The following NRXN3 variants were observed in gnomAD, a reference collection of about 807,000 sequenced individuals.
NRXN3 encodes neurexin 3, also known as neurexin III.
NRXN3 carries 32 observed loss-of-function variants against 137.6 expected under a neutral mutation model. The observed-to-expected ratio is 0.23, with a 90% CI of 0.18 to 0.31. NRXN3 has a LOEUF of 0.31. Ranked by LOEUF, NRXN3 falls within the 10% of genes least tolerant of loss-of-function variation. The pLI, the probability that NRXN3 is intolerant of heterozygous loss-of-function variation, is 1.00. For missense variants in NRXN3, 1,574 were observed against 2,062.5 expected, an observed-to-expected ratio of 0.76 and a Z score of 4.59; for synonymous variants, 798 against 784.5, an observed-to-expected ratio of 1.02 and a Z score of -0.29.
At chr14:78,373,256 G>C (rs1220451799) in intron 4 of NRXN3, among the ~76,000 whole-genome samples, 1 of 66,704 alleles carries the variant, frequency 1.5e-5, no homozygotes, top group Non-Finnish European at 3.0e-5. Flanking sequence ...GGTAGGTTGG[G>C]AACAAGAAAG....
intron 1 of NRXN3, among the ~76,000 whole-genome samples, chr14:78,216,809 C>T (rs1464557329): frequency 2.0e-5 from 3 of 152,130 alleles, no homozygotes; most frequent in Non-Finnish European, 2.9e-5. Context: ...ATTCCTTCCT[C>T]GCCTCTTCTC....
At chr14:79,155,153 A>G (rs996793973) in intron 15 of NRXN3, among the ~76,000 whole-genome samples, 1 of 151,814 alleles carries the variant, frequency 6.6e-6, no homozygotes, top group Non-Finnish European at 1.5e-5. Context: ...TTCCTTCATC[A>G]ATGGTGGAGC....
intron 15 of NRXN3, among the ~76,000 whole-genome samples, chr14:78,996,579 C>G (rs2099530593): frequency 6.6e-6 from 1 of 152,096 alleles, no homozygotes. Context: ...GGGGGGGATG[C>G]TATTTTATTT....
intron 15 of NRXN3, among the ~76,000 whole-genome samples, chr14:79,172,777 A>G (rs931626897): frequency 6.6e-6 from 1 of 152,210 alleles, no homozygotes; most frequent in Non-Finnish European, 1.5e-5. Flanking sequence ...CAAGGAAAAT[A>G]TAAGTAAGAA....
intron 19 of NRXN3, among the ~76,000 whole-genome samples, chr14:79,719,251 ATGTGTGTGTGTG>A (rs4016617): frequency 6.0e-5 from 9 of 149,044 alleles, no homozygotes; most frequent in Admixed American, 2.0e-4. Flanking sequence ...ATAGACATAT[ATGTGTGTGTGTG>A]TGTGTGTGTG....
intron 15 of NRXN3, among the ~76,000 whole-genome samples, chr14:79,003,252 T>C (rs1349815656): frequency 6.6e-6 from 1 of 152,204 alleles, no homozygotes; most frequent in African/African-American, 2.4e-5. Context: ...AGAAAATTAC[T>C]GGTCTGTGAA....
At chr14:79,528,042 T>A (rs8015537) in intron 16 of NRXN3, among the ~76,000 whole-genome samples, 10,116 of 152,008 alleles carry the variant, frequency 0.067, 760 homozygotes, top group African/African-American at 0.18. Context: ...AGTAGGGGAT[T>A]TAGGAGACAG....
chr14:78,881,967 G>A (rs952551591), intron 10 of NRXN3, among the ~76,000 whole-genome samples: 1 of 151,666 alleles, frequency 6.6e-6, no homozygotes, highest in African/African-American at 2.4e-5. Flanking sequence ...CTCCCCTGCT[G>A]TGTGCAACTT....
intron 4 of NRXN3, among the ~76,000 whole-genome samples, chr14:78,581,293 T>G (rs967291666): frequency 1.3e-5 from 2 of 152,214 alleles, no homozygotes; most frequent in Non-Finnish European, 2.9e-5. Flanking sequence ...TAATGGAAAC[T>G]TATTTCTCAC....
rs1051299048 is a variant in NRXN3, at chr14:79,540,327, G to A, written c.3444+72925G>A. Among the ~76,000 whole-genome samples, 3 of 92,406 alleles carry A rather than the reference G, an allele frequency of 3.2e-5. No homozygotes were observed. In the East Asian group the frequency reaches 8.7e-4, roughly 27 times the overall value. The allele number at this position is 92,406 out of a possible 152,430, so 60.6% of individuals were successfully genotyped here. A position where few individuals can be genotyped will look rare whatever the true frequency, so the allele number is the denominator to read the frequency against. On this transcript the variant is annotated intron_variant, in intron 16 of 20. Coordinates refer to ENST00000335750, the MANE Select transcript of NRXN3 (RefSeq NM_001330195.2). ...ACACATAATAGTATATATTTATGGG[G>A]CACAGTGAGATGTTTGATACATGTA...
At chr14:79,616,862 T>C (rs2098162079) in intron 16 of NRXN3, among the ~76,000 whole-genome samples, 1 of 152,120 alleles carries the variant, frequency 6.6e-6, no homozygotes, top group Non-Finnish European at 1.5e-5. Flanking sequence ...AAGTAAAGTC[T>C]AGAGAAATTG....
chr14:78,793,006 G>A (rs1158904631), intron 8 of NRXN3, among the ~76,000 whole-genome samples: 1 of 152,170 alleles, frequency 6.6e-6, no homozygotes, highest in Non-Finnish European at 1.5e-5. Flanking sequence ...TTTAAAGAGT[G>A]TAATTGGATT....
chr14:78,782,594 G>T (rs1339665020), intron 8 of NRXN3, among the ~76,000 whole-genome samples: 5 of 152,284 alleles, frequency 3.3e-5, no homozygotes, highest in Non-Finnish European at 5.9e-5. Flanking sequence ...GACAGGGACT[G>T]GGTCTAAGGA....
At chr14:79,713,587 A>ATG (rs2098813209) in intron 19 of NRXN3, among the ~76,000 whole-genome samples, 1 of 129,066 alleles carries the variant, frequency 7.7e-6, no homozygotes, top group Non-Finnish European at 1.7e-5. Context: ...ATATATACAT[A>ATG]TATATATACA....
chr14:78,561,173 TTAGGGTTTTCTACAGCA>T (rs2096783190), intron 4 of NRXN3, among the ~76,000 whole-genome samples: 2 of 152,152 alleles, frequency 1.3e-5, no homozygotes, highest in Non-Finnish European at 2.9e-5. Flanking sequence ...ACATGAGTCT[TTAGGGTTTTCTACAGCA>T]GAGAAAGAAC....
chr14:79,833,691 A>G (rs1240315407), intron 20 of NRXN3, among the ~76,000 whole-genome samples: 1 of 152,156 alleles, frequency 6.6e-6, no homozygotes, highest in Non-Finnish European at 1.5e-5. Context: ...CTAAAATGAT[A>G]TTGCATGGAC....
chr14:78,372,263 C>T (rs1448589581), intron 4 of NRXN3, among the ~76,000 whole-genome samples: 2 of 150,914 alleles, frequency 1.3e-5, no homozygotes, highest in East Asian at 3.9e-4. Flanking sequence ...GTTGCATGGT[C>T]ACCAACTTCT....
chr14:78,589,477 G>A (rs78818569), intron 4 of NRXN3, among the ~76,000 whole-genome samples: 4,783 of 152,208 alleles, frequency 0.031, 86 homozygotes, highest in African/African-American at 0.044. Context: ...CCTCTTCAAA[G>A]CCCAGTTTAA....
chr14:79,380,783 T>C (rs1241187063), intron 15 of NRXN3, among the ~76,000 whole-genome samples: 3 of 152,196 alleles, frequency 2.0e-5, no homozygotes, highest in Non-Finnish European at 4.4e-5. Flanking sequence ...GGAACACTTT[T>C]ACACTGTTGG....
Sources: gnomAD v4.1 joint callset for allele counts (sites outside exome capture counted in the v4.1 genomes callset) on GRCh38, gnomAD v4.1.1 for gene constraint, MANE v1.5 for transcripts, NCBI Gene and HGNC (gene_info 2026-07-23, HGNC 2026-07-21) for gene names.